The following GGN variants were observed in gnomAD, a reference collection of about 807,000 sequenced individuals.
GGN encodes the protein gametogenetin.
Under a neutral mutation model 35.5 loss-of-function variants are expected in GGN, and 27 were observed. That is an observed-to-expected ratio of 0.76 (90% CI 0.56 to 1.05). The LOEUF (loss-of-function observed/expected upper bound fraction) is 1.05. GGN is among the 50% of genes least tolerant of loss of function. GGN has a pLI of 0.00. For missense variants in GGN, 1,006 were observed against 940.7 expected, an observed-to-expected ratio of 1.07 and a Z score of -0.91; for synonymous variants, 425 against 444.1, an observed-to-expected ratio of 0.96 and a Z score of 0.54.
In GGN at chr19:38,385,450, A is replaced by G; in HGVS notation, c.1812T>C (p.His604=). The G allele has an allele frequency of 6.2e-7, 1 of 1,614,144 alleles. No individual in the cohort carries two copies. The highest frequency in any genetic ancestry group is 8.5e-7 in the Non-Finnish European group (1 of 1,180,032). Residue 604 remains histidine (H), a synonymous_variant, in exon 3 of 4, where the codon CAT becomes CAC. Coordinates refer to ENST00000334928, the MANE Select transcript of GGN (RefSeq NM_152657.4). The stretch of plus-strand genomic sequence containing the variant: ...CAGAGACGTTGCGTGGCAGGCGGCG[A>G]TGGCGTGGCTGGTGGTGGCAGTAAC... ...CKCYCHHQPR[H]RRLPRNVSAW... is the part of the protein sequence containing the mutation.
Position 38,386,844 on chromosome 19 carries a change from G to A in GGN, c.418C>T (p.Arg140Cys), listed in dbSNP as rs1403029180. ...GGCGGCGGCGGCGGCTTCAGCGGGC[G>A]GAGGCTCGGAGGGTCGCCCTGGCCG... is the stretch of plus-strand genomic sequence containing the variant. ...HRGQGDPPSL[R>C]PLKPPPPPRQ... The change falls in exon 3 of 4, where the codon CGC (arginine) becomes TGC (cysteine). Residue 140 changes from arginine (R) to cysteine (C), a missense_variant. Physicochemically the swap from Arg to Cys is radical, Grantham distance 180. Transcript: ENST00000334928. The A allele has an allele frequency of 2.1e-5, 34 of 1,602,734 alleles. No individual in the cohort carries two copies. The highest frequency in any genetic ancestry group is 2.6e-5 in the Non-Finnish European group (31 of 1,174,250).
At chr19:38,388,358 A>C, upstream of GGN, 1 of 387,238 alleles carries the variant, frequency 2.6e-6, no homozygotes, top group Non-Finnish European at 4.5e-6. Flanking sequence ...AACCCCACCC[A>C]CTTGTGAAGG....
intron 3 of GGN, among the ~76,000 whole-genome samples, chr19:38,385,179 C>T (rs1729492868): frequency 2.6e-5 from 4 of 152,170 alleles, no homozygotes; most frequent in African/African-American, 9.7e-5. Context: ...TACAGGAGGG[C>T]CAAGAGTCCA....
At position 38,386,085 on chromosome 19, in the gene GGN, G is replaced by A. The variant is rs202082712; in HGVS notation, c.1177C>T (p.Pro393Ser). Residue 393 changes from proline (P) to serine (S), a missense_variant, in exon 3 of 4, where the codon CCA (proline) becomes TCA (serine). By Grantham distance (74) the Pro-to-Ser change is moderately conservative. Coordinates refer to ENST00000334928, the MANE Select transcript of GGN (RefSeq NM_152657.4). ...GGAGCTGAGTGTATCTGCTCTGGTG[G>A]TGGCGGAGGGGAGCCCCAAGGCCCA... ...LSGPWGSPPP[P>S]PEQIHSAPGP... 6.3e-3 allele frequency: 10,018 copies of A among 1,585,522 alleles called. 47 individuals are homozygous for A. Among genetic ancestry groups the A allele is most frequent in the Non-Finnish European group, 7.9e-3 (9,195 of 1,167,912 alleles).
In GGN at chr19:38,386,534, C is replaced by T. The variant is rs772991024; in HGVS notation, c.728G>A (p.Cys243Tyr). ...ADSESGLSLL[C>Y]KITFKSRPSL... The stretch of plus-strand genomic sequence containing the variant: ...GGGCCTCGACTTGAAGGTGATTTTA[C>T]ACAGCAGGCTCAGACCGGACTCGGA... The change falls in exon 3 of 4, where the codon TGT becomes TAT. Residue 243 changes from cysteine to tyrosine, a missense_variant. Coordinates refer to ENST00000334928, the MANE Select transcript of GGN (RefSeq NM_152657.4). The T allele has an allele frequency of 2.5e-6, 4 of 1,613,284 alleles. No homozygotes were observed. In the Admixed American group the frequency reaches 6.7e-5, roughly 27 times the overall value.
At position 38,386,469 on chromosome 19, in the gene GGN, T is replaced by C. The variant is rs1483955061; in HGVS notation, c.793A>G (p.Lys265Glu). The C allele has an allele frequency of 1.2e-6, 2 of 1,612,796 alleles. No individual in the cohort carries two copies. The highest frequency in any genetic ancestry group is 1.7e-6 in the Non-Finnish European group (2 of 1,179,998). Residue 265 changes from lysine (K) to glutamate (E), a missense_variant, in exon 3 of 4, where the codon AAA becomes GAA. Lys to Glu is a moderately conservative substitution (Grantham distance 56, BLOSUM62 1). Coordinates refer to ENST00000334928, the MANE Select transcript of GGN (RefSeq NM_152657.4). ...CCTCCGCCGCCCCCCAGCGAAGCTT[T>C]GGCTGCTAAGGAACTCGAGGCTGCC... ...PPAASSSLAA[K>E]ASLGGGGGGG...
chr19:38,386,992 C>A lies in GGN; in HGVS notation c.270G>T (p.Ala90=). 6.5e-7 allele frequency: 1 copy of A among 1,536,742 alleles called. No individual in the cohort carries two copies. Among genetic ancestry groups the A allele is most frequent in the Non-Finnish European group, 8.8e-7 (1 of 1,141,222 alleles). Residue 90 remains alanine, a synonymous_variant, in exon 3 of 4, where the codon GCG becomes GCT. Transcript: ENST00000334928. ...PSPVMPPPEE[A]AAVSAPPPAP... ...CCGGGGGTGGTGCAGAGACCGCGGC[C>A]GCCTCTTCAGGAGGGGGCATCACTG...
At chr19:38,388,336 C>A, upstream of GGN, 1 of 394,772 alleles carries the variant, frequency 2.5e-6, no homozygotes, top group Non-Finnish European at 4.5e-6. Flanking sequence ...CCTCCTTATA[C>A]CCAGGCCCTC....
At chr19:38,385,284 T>C (rs958361520) in intron 3 of GGN, 137 bp downstream of exon 3, 21 of 1,183,290 alleles carry the variant, frequency 1.8e-5, no homozygotes, top group Non-Finnish European at 2.3e-5. Flanking sequence ...TCCTGAAGGG[T>C]GGGAGCTCAG....
In GGN at chr19:38,386,582, C is replaced by T; in HGVS notation, c.680G>A (p.Gly227Asp). ...RGGAPPHAGE[G>D]EMAQPADSES... ...GGAATCCGCAGGCTGGGCCATTTCGCCTTCGCCCGCATGGGGAGGCGCCCC... is the reference window on the plus strand; with the variant it reads ...GGAATCCGCAGGCTGGGCCATTTCGTCTTCGCCCGCATGGGGAGGCGCCCC... Residue 227 changes from glycine (G) to aspartate (D), a missense_variant, in exon 3 of 4, where the codon GGC (glycine) becomes GAC (aspartate). Transcript: ENST00000334928. 2 of 1,613,532 alleles carry T rather than the reference C, an allele frequency of 1.2e-6. No homozygotes were observed. Among genetic ancestry groups the T allele is most frequent in the South Asian group, 2.2e-5 (2 of 91,084 alleles).
In GGN at chr19:38,385,937, G is replaced by A. The variant is rs765574791; in HGVS notation, c.1325C>T (p.Pro442Leu). The A allele has an allele frequency of 1.8e-5, 29 of 1,586,832 alleles. No individual in the cohort carries two copies. The highest frequency in any genetic ancestry group is 3.6e-5 in the Admixed American group (2 of 56,288). ...CTGCAGTGTGGGCGGCGGTGTGGGC[G>A]GTGGCAGCGGTGGTAACTCCTGCAG... Reference protein sequence around the residue: ...PGLQELPPLPPPTPPPTLQPP... With the variant: ...PGLQELPPLPLPTPPPTLQPP... Residue 442 changes from proline (P) to leucine (L), a missense_variant, in exon 3 of 4, where the codon CCG becomes CTG. Coordinates refer to ENST00000334928, the MANE Select transcript of GGN (RefSeq NM_152657.4).
At position 38,386,770 on chromosome 19, in the gene GGN, A is replaced by G. The variant is rs776859130; in HGVS notation, c.492T>C (p.Phe164=). Reference sequence around the variant, plus strand: ...GCTTCCAAGTCTCCAGGGGCGGCGGAAATTGGGATGGGGCCCTCGGGACAG... The same window carrying G: ...GCTTCCAAGTCTCCAGGGGCGGCGGGAATTGGGATGGGGCCCTCGGGACAG... ...KDTVPRAPSQ[F]PPPLETWKPP... is the part of the protein sequence containing the mutation. Residue 164 remains phenylalanine (F), a synonymous_variant, in exon 3 of 4, where the codon TTT becomes TTC. Transcript: ENST00000334928. The G allele has an allele frequency of 9.8e-4, 1,578 of 1,610,242 alleles. 2 individuals carry two copies. The highest frequency in any genetic ancestry group is 1.2e-3 in the Non-Finnish European group (1,424 of 1,177,730).
chr19:38,386,013 T>C lies in GGN; in HGVS notation c.1249A>G (p.Ile417Val). 1 of 1,607,262 alleles carries C rather than the reference T, an allele frequency of 6.2e-7. No homozygotes were observed. Among genetic ancestry groups the C allele is most frequent in the Non-Finnish European group, 8.5e-7 (1 of 1,177,050 alleles). The change falls in exon 3 of 4, where the codon ATC becomes GTC. Residue 417 changes from isoleucine to valine, a missense_variant. By Grantham distance (29) the Ile-to-Val change is conservative. Coordinates refer to ENST00000334928, the MANE Select transcript of GGN (RefSeq NM_152657.4). ...APALLAPPTF[I>V]FPAPTNGEPM... Reference sequence around the variant, plus strand: ...TCGCCATTGGTGGGTGCTGGGAAGATGAACGTAGGCGGCGCCAGCAGGGCA... The same window carrying C: ...TCGCCATTGGTGGGTGCTGGGAAGACGAACGTAGGCGGCGCCAGCAGGGCA...
In GGN at chr19:38,385,758, G is replaced by T; in HGVS notation, c.1504C>A (p.Pro502Thr). The change falls in exon 3 of 4, where the codon CCC becomes ACC. Residue 502 changes from proline (P) to threonine (T), a missense_variant. By Grantham distance (38) the Pro-to-Thr change is conservative (BLOSUM62 -1). Coordinates refer to ENST00000334928, the MANE Select transcript of GGN (RefSeq NM_152657.4). Reference protein sequence around the residue: ...QAPAPSPAPAPTVAEPSPPVS... With the variant: ...QAPAPSPAPATTVAEPSPPVS... ...GGCGGCGAGGGCTCAGCCACGGTGGGAGCTGGAGCCGGGGATGGGGCCGGG... is the reference window on the plus strand; with the variant it reads ...GGCGGCGAGGGCTCAGCCACGGTGGTAGCTGGAGCCGGGGATGGGGCCGGG... 1 of 1,593,098 alleles carries T rather than the reference G, an allele frequency of 6.3e-7. No individual in the cohort carries two copies. Among genetic ancestry groups the T allele is most frequent in the Non-Finnish European group, 8.5e-7 (1 of 1,172,354 alleles).
Position 38,387,140 on chromosome 19 carries a change from A to T in GGN, c.122T>A (p.Met41Lys), listed in dbSNP as rs1043789205. Residue 41 changes from methionine (M) to lysine (K), a missense_variant, in exon 3 of 4, where the codon ATG (methionine) becomes AAG (lysine). Coordinates refer to ENST00000334928, the MANE Select transcript of GGN (RefSeq NM_152657.4). This position sits in a 1 kb window ranked among gnomAD's most constrained non-coding sequence, Gnocchi z 5.3. ...GACACCCAGCCCACGAGTCAGGCGCATGGCCTGGGAGGTCATCTCGGGCTC... is the reference window on the plus strand; with the variant it reads ...GACACCCAGCCCACGAGTCAGGCGCTTGGCCTGGGAGGTCATCTCGGGCTC... ...LVEPEMTSQAMRLTRGLGVWF... is the reference protein window; with the variant it reads ...LVEPEMTSQAKRLTRGLGVWF... 3 of 1,575,186 alleles carry T rather than the reference A, an allele frequency of 1.9e-6. No individual in the cohort carries two copies. Among genetic ancestry groups the T allele is most frequent in the Non-Finnish European group, 2.6e-6 (3 of 1,160,390 alleles).
In GGN at chr19:38,386,061, G is replaced by A. The variant is rs768299528; in HGVS notation, c.1201C>T (p.Pro401Ser). The change falls in exon 3 of 4, where the codon CCC becomes TCC. Residue 401 changes from proline (P) to serine (S), a missense_variant. Coordinates refer to ENST00000334928, the MANE Select transcript of GGN (RefSeq NM_152657.4). The stretch of plus-strand genomic sequence containing the variant: ...GCAGGTGCGGGCCTCCGGGGCCCGG[G>A]AGCTGAGTGTATCTGCTCTGGTGGT... ...PPPPEQIHSA[P>S]GPRRPAPALL... 6.3e-7 allele frequency: 1 copy of A among 1,593,188 alleles called. No individual in the cohort carries two copies. Among genetic ancestry groups the A allele is most frequent in the South Asian group, 1.1e-5 (1 of 88,336 alleles).
chr19:38,386,189 T>A lies in GGN; in HGVS notation c.1073A>T (p.Asp358Val). Residue 358 changes from aspartate to valine, a missense_variant, in exon 3 of 4, where the codon GAC becomes GTC. By Grantham distance (152) the Asp-to-Val change is radical. Transcript: ENST00000334928. ...GAAGCGGAAGTGGCGTTCAGGGCCG[T>A]CGGGAGCGCTAACCCAGTCGAATTT... Reference protein sequence around the residue: ...KPKFDWVSAPDGPERHFRFNG... With the variant: ...KPKFDWVSAPVGPERHFRFNG... The A allele has an allele frequency of 6.2e-7, 1 of 1,601,376 alleles. No homozygotes were observed. Among genetic ancestry groups the A allele is most frequent in the African/African-American group, 1.3e-5 (1 of 74,852 alleles).
At position 38,387,899 on chromosome 19, in the gene GGN, C is replaced by G. The variant is rs1327133433; in HGVS notation, c.-82+76G>C. The G allele has an allele frequency of 6.5e-6, 1 of 154,466 alleles. No homozygotes were observed. Among genetic ancestry groups the G allele is most frequent in the East Asian group, 1.9e-4 (1 of 5,186 alleles). 9.6% of individuals were successfully genotyped at this position (154,466 alleles called of 1,614,324 possible). The stretch of plus-strand genomic sequence containing the variant: ...TGGGCGAGACAACTAGGGCGGACCC[C>G]GAGATGTAGGCCCCGCCCCCGGAGC... On this transcript the variant is annotated intron_variant, in intron 1 of 3. Transcript: ENST00000334928. This position sits in a 1 kb window ranked among gnomAD's most constrained non-coding sequence, Gnocchi z 5.3.
chr19:38,384,406 C>G lies in GGN; in HGVS notation c.*6G>C. ...GGGAAGGTGGAGGGTGTTGAGCCGA[C>G]TACACTCAGTTGGAATGGGTGGCCT... On this transcript the variant is annotated 3_prime_UTR_variant, in exon 4 of 4. Transcript: ENST00000334928. The G allele has an allele frequency of 1.9e-6, 3 of 1,605,590 alleles. No individual in the cohort carries two copies. The highest frequency in any genetic ancestry group is 2.6e-6 in the Non-Finnish European group (3 of 1,172,474).
Sources: gnomAD v4.1 joint callset for allele counts (sites outside exome capture counted in the v4.1 genomes callset) on GRCh38, gnomAD v4.1.1 for gene constraint, Gnocchi (gnomAD v3.1) non-coding constraint, MANE v1.5 for transcripts, NCBI Gene and HGNC (gene_info 2026-07-23, HGNC 2026-07-21) for gene names.